The following KIAA0825 variants were observed in gnomAD, a reference collection of about 807,000 sequenced individuals.
The protein encoded by KIAA0825 is KIAA0825.
Under a neutral mutation model 147.6 loss-of-function variants are expected in KIAA0825, and 119 were observed. The ratio of observed to expected loss-of-function variants is 0.81; its 90% CI spans 0.69 to 0.94. The LOEUF (loss-of-function observed/expected upper bound fraction) is 0.94, where lower values mean the gene tolerates loss of function less well. Ranked by LOEUF, KIAA0825 falls within the 40% of genes least tolerant of loss-of-function variation. The pLI, the probability that KIAA0825 is intolerant of heterozygous loss-of-function variation, is 0.00. For synonymous variants in KIAA0825, 470 were observed against 518.1 expected (o/e 0.91, Z 1.26); for missense variants, 1,381 against 1,472.7 (o/e 0.94, Z 1.02).
At chr5:94,177,152 C>A (rs1433703801) in intron 20 of KIAA0825, among the ~76,000 whole-genome samples, 2 of 152,064 alleles carry the variant, frequency 1.3e-5, no homozygotes, top group Admixed American at 1.3e-4. Context: ...GTTACAATAT[C>A]ATTTCATTAT....
At chr5:94,596,261 T>C (rs1785291912) in intron 1 of KIAA0825, among the ~76,000 whole-genome samples, 1 of 152,208 alleles carries the variant, frequency 6.6e-6, no homozygotes, top group African/African-American at 2.4e-5. Context: ...TTTTTGTACA[T>C]CATATAAGTA....
intron 2 of KIAA0825, among the ~76,000 whole-genome samples, chr5:94,571,382 A>C (rs1235287309): frequency 1.3e-5 from 2 of 152,262 alleles, no homozygotes; most frequent in African/African-American, 4.8e-5. Flanking sequence ...ATTTAGAAGT[A>C]TCCAGTAATA....
intron 20 of KIAA0825, among the ~76,000 whole-genome samples, chr5:94,175,117 G>A (rs191069898): frequency 3.4e-4 from 51 of 152,184 alleles, no homozygotes; most frequent in Admixed American, 3.3e-3. Context: ...TCAGATCACT[G>A]GTACTTTCCC....
chr5:94,344,230 T>C (rs965315608), intron 20 of KIAA0825, among the ~76,000 whole-genome samples: 3 of 152,208 alleles, frequency 2.0e-5, no homozygotes, highest in Admixed American at 6.5e-5. Context: ...AGGTAATAAA[T>C]TGATGTTGTC....
rs1766797332 is a variant in KIAA0825, at chr5:94,153,982, T to C, written c.*25A>G. 1.4e-6 allele frequency: 2 copies of C among 1,468,096 alleles called. No individual in the cohort carries two copies. Among genetic ancestry groups the C allele is most frequent in the East Asian group, 2.5e-5 (1 of 40,542 alleles). The allele number at this position is 1,468,096 out of a possible 1,614,324, so 90.9% of individuals were successfully genotyped here. ...CATTACATGGGATTGTTTCCTAAAA[T>C]AAAGCTGTTGCTGTTTTCTGCAGAT... On this transcript the variant is annotated 3_prime_UTR_variant, in exon 21 of 21. Coordinates refer to ENST00000682413, the MANE Select transcript of KIAA0825 (RefSeq NM_001145678.3).
chr5:94,552,474 C>G (rs1775727709), intron 2 of KIAA0825, among the ~76,000 whole-genome samples: 1 of 152,130 alleles, frequency 6.6e-6, no homozygotes, highest in African/African-American at 2.4e-5. Context: ...TTCATCAGCA[C>G]ATGGAACATT....
chr5:94,559,762 A>G (rs549137387), intron 2 of KIAA0825, among the ~76,000 whole-genome samples: 13 of 152,268 alleles, frequency 8.5e-5, no homozygotes, highest in Non-Finnish European at 1.6e-4. Context: ...TCCCATACAT[A>G]TTTCCAAGTA....
intron 20 of KIAA0825, among the ~76,000 whole-genome samples, chr5:94,174,491 C>T (rs377334703): frequency 1.3e-5 from 2 of 152,160 alleles, no homozygotes; most frequent in South Asian, 2.1e-4. Flanking sequence ...GTTGATGTGG[C>T]AATCTCATGG....
At chr5:94,196,533 A>G (rs1057002654) in intron 20 of KIAA0825, among the ~76,000 whole-genome samples, 1 of 151,496 alleles carries the variant, frequency 6.6e-6, no homozygotes, top group Non-Finnish European at 1.5e-5. Flanking sequence ...ATAGAATGTC[A>G]TGGGGGTTTG....
intron 2 of KIAA0825, among the ~76,000 whole-genome samples, chr5:94,560,140 C>T (rs1777294311): frequency 6.6e-6 from 1 of 152,130 alleles, no homozygotes; most frequent in South Asian, 2.1e-4. Context: ...CTTAATGTAC[C>T]ATCATAACCC....
chr5:94,604,583 AC>A (rs1787136240), intron 1 of KIAA0825, among the ~76,000 whole-genome samples: 1 of 152,022 alleles, frequency 6.6e-6, no homozygotes, highest in African/African-American at 2.4e-5. Flanking sequence ...AAACAAACAA[AC>A]AAACAAAAAA....
At chr5:94,296,568 C>CA (rs1778147640) in intron 20 of KIAA0825, among the ~76,000 whole-genome samples, 1 of 152,120 alleles carries the variant, frequency 6.6e-6, no homozygotes, top group African/African-American at 2.4e-5. Flanking sequence ...TCTGGGGTTG[C>CA]AAAGATGATG....
chr5:94,579,481 C>G (rs1406199131), intron 2 of KIAA0825, among the ~76,000 whole-genome samples: 1 of 152,188 alleles, frequency 6.6e-6, no homozygotes, highest in East Asian at 1.9e-4. Flanking sequence ...ATTGATTGAT[C>G]TGGCAGAAAC....
rs544678234 is a variant in KIAA0825, at chr5:94,473,393, A to G, written c.1354T>C (p.Ser452Pro). 6.4e-7 allele frequency: 1 copy of G among 1,552,044 alleles called. No individual in the cohort carries two copies. The highest frequency in any genetic ancestry group is 8.7e-7 in the Non-Finnish European group (1 of 1,147,064). The change falls in exon 8 of 21, where the codon TCT (serine) becomes CCT (proline). Residue 452 changes from serine to proline, a missense_variant. By Grantham distance (74) the Ser-to-Pro change is moderately conservative (BLOSUM62 -1). Coordinates refer to ENST00000682413, the MANE Select transcript of KIAA0825 (RefSeq NM_001145678.3). ...TTCATAGCATAGCTCACAGCTGAAG[A>G]CCTTTCATTCTGTTCCTGTTGGAGA... ...KILQQEQNER[S>P]SAVSYAMNLV... is the part of the protein sequence containing the mutation.
chr5:94,187,953 A>G (rs1770296351), intron 20 of KIAA0825, among the ~76,000 whole-genome samples: 1 of 152,204 alleles, frequency 6.6e-6, no homozygotes, highest in South Asian at 2.1e-4. Context: ...GTATGATGGT[A>G]TTAGAAGGTG....
chr5:94,291,973 C>CTGTGCTGAAGTTGCTTA (rs1178414216), intron 20 of KIAA0825, among the ~76,000 whole-genome samples: 1 of 152,174 alleles, frequency 6.6e-6, no homozygotes, highest in African/African-American at 2.4e-5. Context: ...TATCCTGAAA[C>CTGTGCTGAAGTTGCTTA]TGTGCTGAAG....
chr5:94,385,266 A>G (rs940990402), intron 19 of KIAA0825, among the ~76,000 whole-genome samples: 5 of 152,314 alleles, frequency 3.3e-5, no homozygotes, highest in East Asian at 1.9e-4. Context: ...GTCCAGACTG[A>G]CGTTTAAAAT....
At chr5:94,353,819 A>G (rs1783963153) in intron 20 of KIAA0825, among the ~76,000 whole-genome samples, 1 of 152,206 alleles carries the variant, frequency 6.6e-6, no homozygotes, top group Non-Finnish European at 1.5e-5. Context: ...TGAGGATACG[A>G]TAATCAAATG....
chr5:94,333,941 G>A (rs1029422393), intron 20 of KIAA0825, among the ~76,000 whole-genome samples: 5 of 152,112 alleles, frequency 3.3e-5, no homozygotes, highest in African/African-American at 1.2e-4. Flanking sequence ...ACTGCTCAAG[G>A]AAATACGAGA....
Sources: allele counts gnomAD v4.1 joint callset (sites outside exome capture counted in the v4.1 genomes callset), GRCh38; gene constraint gnomAD v4.1.1; transcripts MANE v1.5; gene names NCBI Gene and HGNC (gene_info 2026-07-23, HGNC 2026-07-21).